Variants in ITGB2 observed in about 807,000 individuals in gnomAD.
The protein encoded by ITGB2 is integrin beta-2.
A neutral mutation model predicts 86.8 loss-of-function variants in ITGB2; 56 were observed. The observed-to-expected ratio is 0.65, with a 90% CI of 0.52 to 0.81. The LOEUF (loss-of-function observed/expected upper bound fraction) is 0.81. ITGB2 is among the 30% of genes least tolerant of loss of function. ITGB2 has a pLI of 0.00. For missense variants in ITGB2, 948 were observed against 1,061.2 expected, an observed-to-expected ratio of 0.89 and a Z score of 1.48; for synonymous variants, 457 against 450.4, an observed-to-expected ratio of 1.01 and a Z score of -0.19.
Position 44,903,251 on chromosome 21 carries a change from G to T in ITGB2, c.499+114C>A, listed in dbSNP as rs1042100177. 8.1e-6 allele frequency: 11 copies of T among 1,356,108 alleles called. No homozygotes were observed. The African/African-American group carries it at 1.0e-4, about 12-fold the overall frequency. The allele number at this position is 1,356,108 out of a possible 1,614,324, so 84.0% of individuals were successfully genotyped here. A position where few individuals can be genotyped will look rare whatever the true frequency, so the allele number is the denominator to read the frequency against. ...GATGCCCTGGGGGGACCTGCATCTG[G>T]GGCCCCCAGATCTACCCTGGGGACC... On this transcript the variant is annotated intron_variant, in intron 5 of 15. Coordinates refer to ENST00000652462, the MANE Select transcript of ITGB2 (RefSeq NM_000211.5).
In ITGB2 at chr21:44,901,646, T is replaced by C. The variant is rs137852610; in HGVS notation, c.587A>G (p.Lys196Arg). The C allele has an allele frequency of 6.2e-7, 1 of 1,614,284 alleles. No homozygotes were observed. Among genetic ancestry groups the C allele is most frequent in the Non-Finnish European group, 8.5e-7 (1 of 1,180,046 alleles). ...KLRNPCPNKE[K>R]ECQPPFAFRH... The stretch of plus-strand genomic sequence containing the variant: ...GAAGGCAAACGGGGGCTGGCACTCT[T>C]TCTCCTTGTTGGGGCATGGGTTTCG... Residue 196 changes from lysine to arginine, a missense_variant, in exon 6 of 16, where the codon AAA (lysine) becomes AGA (arginine). By Grantham distance (26) the Lys-to-Arg change is conservative. Coordinates refer to ENST00000652462, the MANE Select transcript of ITGB2 (RefSeq NM_000211.5).
In ITGB2 at chr21:44,900,460, G is replaced by T. The variant is rs772607011; in HGVS notation, c.757C>A (p.Arg253Ser). 5 of 1,613,394 alleles carry T rather than the reference G, an allele frequency of 3.1e-6. No homozygotes were observed. The highest frequency in any genetic ancestry group is 2.2e-5 in the South Asian group (2 of 91,074). ...AACACCAGCAGCCGCGTGACGTTGC[G>T]CCAGCCGATTTCCTCCTGAGAAGAA... ...VAACPEEIGWRNVTRLLVFAT... is the reference protein window; with the variant it reads ...VAACPEEIGWSNVTRLLVFAT... Residue 253 changes from arginine to serine, a missense_variant, in exon 7 of 16, where the codon CGC becomes AGC. Physicochemically the swap from Arg to Ser is moderately radical, Grantham distance 110. Transcript: ENST00000652462.
rs201413647 is a variant in ITGB2 at position 44,888,836 on chromosome 21, G to A, written c.1937C>T (p.Ala646Val). ...GTTCGACAGCTGCAGGCCCGGACAC[G>A]CCGCGCTGCAGTTCTTCCCAAAGGG... ...KGPFGKNCSA[A>V]CPGLQLSNNP... Residue 646 changes from alanine (A) to valine (V), a missense_variant, in exon 14 of 16, where the codon GCG becomes GTG. By Grantham distance (64) the Ala-to-Val change is moderately conservative. Coordinates refer to ENST00000652462, the MANE Select transcript of ITGB2 (RefSeq NM_000211.5). The A allele has an allele frequency of 1.1e-5, 17 of 1,610,480 alleles. No homozygotes were observed. Among genetic ancestry groups the A allele is most frequent in the South Asian group, 6.6e-5 (6 of 91,090 alleles).
chr21:44,892,909 A>C (rs1291858088), intron 10 of ITGB2: 4 of 183,828 alleles, frequency 2.2e-5, no homozygotes, highest in Non-Finnish European at 4.7e-5. Context: ...CATGACAACT[A>C]ACCCTACCCA....
chr21:44,900,162 G>C (rs1038569910), intron 7 of ITGB2, among the ~76,000 whole-genome samples, 158 bp downstream of exon 7: 2 of 152,226 alleles, frequency 1.3e-5, no homozygotes. Flanking sequence ...GGCCAGTCCG[G>C]GGAGACCCCA....
intron 1 of ITGB2, among the ~76,000 whole-genome samples, chr21:44,915,898 G>T (rs2084202391): frequency 6.6e-6 from 1 of 152,158 alleles, no homozygotes; most frequent in Non-Finnish European, 1.5e-5. Context: ...TTGACTATCT[G>T]TGAAGTTTGA....
At chr21:44,900,515 T>G in intron 6 of ITGB2, 40 bp from the exon 7 acceptor site, 1 of 1,611,108 alleles carries the variant, frequency 6.2e-7, no homozygotes, top group Non-Finnish European at 8.5e-7. Flanking sequence ...CCTGCCTCAG[T>G]TTCCCAGACC....
upstream of ITGB2, among the ~76,000 whole-genome samples, chr21:44,921,525 G>T (rs1286138735): frequency 6.6e-6 from 1 of 151,882 alleles, no homozygotes; most frequent in Non-Finnish European, 1.5e-5. Context: ...GTTAACTAGG[G>T]ACATTAGGAG....
intron 1 of ITGB2, among the ~76,000 whole-genome samples, chr21:44,912,770 G>A (rs13052421): frequency 0.78 from 114,198 of 147,290 alleles, 44,679 homozygotes; most frequent in South Asian, 0.88. Flanking sequence ...GGCCCTGTGC[G>A]TGCTGGAGCT....
intron 5 of ITGB2, among the ~76,000 whole-genome samples, chr21:44,902,039 T>C (rs375220210): frequency 6.6e-6 from 1 of 152,210 alleles, no homozygotes; most frequent in Non-Finnish European, 1.5e-5. Context: ...CAGGTGCGTA[T>C]GTGTATCTGT....
intron 4 of ITGB2, among the ~76,000 whole-genome samples, chr21:44,904,774 C>T (rs901245746): frequency 1.3e-5 from 2 of 151,822 alleles, no homozygotes; most frequent in Admixed American, 1.3e-4. Flanking sequence ...CACACACGTG[C>T]CACACATATA....
At chr21:44,905,270 G>A (rs2084025714) in intron 4 of ITGB2, among the ~76,000 whole-genome samples, 1 of 152,094 alleles carries the variant, frequency 6.6e-6, no homozygotes, top group Admixed American at 6.5e-5. Context: ...GTGGCCCTGG[G>A]GTGCTGTTAA....
Position 44,888,982 on chromosome 21 carries a change from G to A in ITGB2, c.1878-87C>T, listed in dbSNP as rs540450476. 1.2e-4 allele frequency: 156 copies of A among 1,268,010 alleles called. 2 individuals are homozygous for A. The Admixed American group carries it at 2.5e-3, about 21-fold the overall frequency. 78.5% of individuals were successfully genotyped at this position (1,268,010 alleles called of 1,614,324 possible). A position where few individuals can be genotyped will look rare whatever the true frequency, so the allele number is the denominator to read the frequency against. On this transcript the variant is annotated intron_variant, in intron 13 of 15. Transcript: ENST00000652462. ...TCGGGCTTGGGTGTGTGTCCACCAG[G>A]GGGGGCAGGTGGGGTTGGGGCGCCC... is the stretch of plus-strand genomic sequence containing the variant.
At position 44,906,991 on chromosome 21, in the gene ITGB2, G is replaced by C. The variant is rs375749691; in HGVS notation, c.252C>G (p.Leu84=). The change falls in exon 4 of 16, where the codon CTC becomes CTG. Residue 84 remains leucine (L), a synonymous_variant. Transcript: ENST00000652462. ...AADDIMDPTS[L]AETQEDHNGG... ...CATTGTGGTCTTCCTGGGTTTCAGC[G>C]AGGCTTGTGGGGTCCATGATGTCGT... 1.5e-5 allele frequency: 25 copies of C among 1,614,076 alleles called. No homozygotes were observed. The highest frequency in any genetic ancestry group is 2.1e-5 in the Non-Finnish European group (25 of 1,180,038).
At chr21:44,886,462 T>C (rs749259263) in intron 15 of ITGB2, 32 bp from the exon 16 acceptor site, 1 of 1,608,658 alleles carries the variant, frequency 6.2e-7, no homozygotes, top group East Asian at 2.2e-5. Flanking sequence ...GGCTTGTGAG[T>C]GTGGGAGGTT....
intron 14 of ITGB2, 73 bp downstream of exon 14, chr21:44,888,620 C>G: frequency 6.6e-7 from 1 of 1,522,740 alleles, no homozygotes; most frequent in South Asian, 1.1e-5. Flanking sequence ...TCCTTCCGCA[C>G]CACCCTCGCC....
intron 4 of ITGB2, among the ~76,000 whole-genome samples, chr21:44,904,844 CCACA>C: frequency 6.6e-6 from 1 of 151,932 alleles, no homozygotes; most frequent in East Asian, 1.9e-4. Context: ...TACACACACA[CCACA>C]CACACATGCG....
rs887746615 is a variant in ITGB2 at position 44,894,115 on chromosome 21, C to T, written c.1084-571G>A. On this transcript the variant is annotated intron_variant, in intron 9 of 15. Transcript: ENST00000652462. ...ATCGGGTGAATGGCCAGGGCAGTGGCGTCACCTGCATCCTCTGTGTAAGGA... is the reference window on the plus strand; with the variant it reads ...ATCGGGTGAATGGCCAGGGCAGTGGTGTCACCTGCATCCTCTGTGTAAGGA... The T allele has an allele frequency of 2.9e-5, 6 of 205,602 alleles. No individual in the cohort carries two copies. In the East Asian group the frequency reaches 3.5e-4, roughly 12 times the overall value. 12.7% of individuals were successfully genotyped at this position (205,602 alleles called of 1,614,324 possible).
chr21:44,902,449 G>A (rs556008831), intron 5 of ITGB2, among the ~76,000 whole-genome samples: 1 of 151,958 alleles, frequency 6.6e-6, no homozygotes, highest in Non-Finnish European at 1.5e-5. Flanking sequence ...TTGCGTGTGA[G>A]CATACATTCA....
Sources: gnomAD v4.1 joint callset for allele counts (sites outside exome capture counted in the v4.1 genomes callset) on GRCh38, gnomAD v4.1.1 for gene constraint, MANE v1.5 for transcripts, NCBI Gene and HGNC (gene_info 2026-07-23, HGNC 2026-07-21) for gene names.